The following CLDN16 variants were observed in gnomAD, a reference collection of about 807,000 sequenced individuals.
CLDN16 encodes the protein claudin 16, also known as claudin-16.
A neutral mutation model predicts 24.6 loss-of-function variants in CLDN16; 13 were observed. The ratio of observed to expected loss-of-function variants is 0.53; its 90% CI spans 0.34 to 0.84. CLDN16 has a LOEUF of 0.84. Ranked by LOEUF, CLDN16 falls within the 40% of genes least tolerant of loss-of-function variation. The probability of loss-of-function intolerance (pLI) is 0.01; values close to 1 mark genes in which losing one functional copy is unlikely to be tolerated. For missense variants in CLDN16, 298 were observed against 292.7 expected, an observed-to-expected ratio of 1.02 and a Z score of -0.13; for synonymous variants, 116 against 106.7, an observed-to-expected ratio of 1.09 and a Z score of -0.54.
At chr3:190,391,211 T>G (rs1718651720) in intron 1 of CLDN16, among the ~76,000 whole-genome samples, 1 of 151,284 alleles carries the variant, frequency 6.6e-6, no homozygotes, top group African/African-American at 2.4e-5. Context: ...TTTTCCAGTT[T>G]TTTTTTTTTT....
chr3:190,409,333 T>TGTATATATGCACACATGTATATGTAC (rs1719209339), intron 4 of CLDN16, among the ~76,000 whole-genome samples: 2 of 152,002 alleles, frequency 1.3e-5, no homozygotes, highest in Non-Finnish European at 2.9e-5. Flanking sequence ...TGTATATGTA[T>TGTATATATGCACACATGTATATGTAC]ATTAGAATTA....
intron 3 of CLDN16, among the ~76,000 whole-genome samples, chr3:190,382,209 A>G (rs1215254122): frequency 6.6e-6 from 1 of 152,100 alleles, no homozygotes; most frequent in African/African-American, 2.4e-5. Flanking sequence ...AACCTTTCAC[A>G]TTAGGTTTAT....
chr3:190,332,256 T>C (rs1024334292), intron 1 of CLDN16, among the ~76,000 whole-genome samples: 2 of 152,228 alleles, frequency 1.3e-5, no homozygotes, highest in African/African-American at 4.8e-5. Context: ...AGAGGCTATG[T>C]AAATATATTG....
At chr3:190,353,102 T>G (rs760369840) in intron 1 of CLDN16, among the ~76,000 whole-genome samples, 1 of 152,090 alleles carries the variant, frequency 6.6e-6, no homozygotes, top group Non-Finnish European at 1.5e-5. Context: ...ACATAGTACC[T>G]ACTCCAAAGA....
intron 1 of CLDN16, among the ~76,000 whole-genome samples, chr3:190,327,370 A>G (rs67980879): frequency 0.15 from 23,181 of 152,232 alleles, 2,195 homozygotes; most frequent in Middle Eastern, 0.21. Flanking sequence ...TATTAACCTA[A>G]CATGTGGACA....
At chr3:190,320,071 T>TG (rs199732640), upstream of CLDN16, among the ~76,000 whole-genome samples, 832 of 147,184 alleles carry the variant, frequency 5.7e-3, 7 homozygotes, top group African/African-American at 0.02. Context: ...CTAAAGTGTG[T>TG]GTGGGGGGGT....
At chr3:190,389,262 A>G (rs1356959373) in intron 1 of CLDN16, among the ~76,000 whole-genome samples, 1 of 152,206 alleles carries the variant, frequency 6.6e-6, no homozygotes, top group East Asian at 1.9e-4. Flanking sequence ...AGGCTTAGGA[A>G]AACACAGGTA....
At chr3:190,320,531 A>G (rs1716891396), upstream of CLDN16, among the ~76,000 whole-genome samples, 1 of 152,234 alleles carries the variant, frequency 6.6e-6, no homozygotes, top group African/African-American at 2.4e-5. Flanking sequence ...AGAAGTCCTG[A>G]TATGAGAACC....
chr3:190,391,228 T>C (rs535864422), intron 1 of CLDN16, among the ~76,000 whole-genome samples: 3 of 145,228 alleles, frequency 2.1e-5, no homozygotes, highest in Non-Finnish European at 4.6e-5. Flanking sequence ...TTTTTTTTAG[T>C]ATATTTGGAT....
At position 190,348,367 on chromosome 3, in the gene CLDN16, T is replaced by TGTG. The variant is rs1560084624; in HGVS notation, n.122-22525_122-22523dup. Among the ~76,000 whole-genome samples, 16 of 133,388 alleles carry TGTG rather than the reference T, an allele frequency of 1.2e-4. No homozygotes were observed. The East Asian group carries it at 3.0e-3, about 25-fold the overall frequency. The allele number at this position is 133,388 out of a possible 152,430, so 87.5% of individuals were successfully genotyped here. The stretch of plus-strand genomic sequence containing the variant: ...TGTGTGTGTGTGTGTGTGTGTGTGG[T>TGTG]GTGTGTCTTTGGAAGATTATGTTTC... On this transcript the variant is annotated intron_variant and non_coding_transcript_variant, in intron 1 of 4. Transcript: ENST00000468220.
chr3:190,300,664 C>T, the CLDN16 span, among the ~76,000 whole-genome samples: 3 of 152,226 alleles, frequency 2.0e-5, no homozygotes, highest in Admixed American at 2.0e-4. Flanking sequence ...CCTCCGATCC[C>T]TGGCAAAGAC....
intron 1 of CLDN16, among the ~76,000 whole-genome samples, chr3:190,341,699 C>T (rs148468688): frequency 2.0e-5 from 3 of 152,288 alleles, no homozygotes; most frequent in African/African-American, 4.8e-5. Context: ...TGGATTTCTC[C>T]CCGCAGAATG....
rs764353770 is a variant in CLDN16 at position 190,402,344 on chromosome 3, C to G, written c.122C>G (p.Thr41Arg). The change falls in exon 2 of 5, where the codon ACA (threonine) becomes AGA (arginine). Residue 41 changes from threonine to arginine, a missense_variant. Thr to Arg is a moderately conservative substitution (Grantham distance 71, BLOSUM62 -1). Coordinates refer to ENST00000264734, the MANE Select transcript of CLDN16 (RefSeq NM_006580.4). ...VNADDSLEVS[T>R]KCRGLWWECV... The stretch of plus-strand genomic sequence containing the variant: ...GTCTTCTCTAACATCTAGGTGAGCA[C>G]AAAATGCCGAGGCCTCTGGTGGGAA... The G allele has an allele frequency of 6.2e-7, 1 of 1,613,704 alleles. No homozygotes were observed. Among genetic ancestry groups the G allele is most frequent in the Non-Finnish European group, 8.5e-7 (1 of 1,179,696 alleles).
chr3:190,408,449 C>T lies in CLDN16; in HGVS notation c.518C>T (p.Ser173Phe), dbSNP rs1345543207. ...GWSCWLGMAG[S>F]LGCFLAGAVL... ...TCCTGTTGGCTCGGAATGGCTGGGT[C>T]TCTGGGTTGCTTTTTGGCTGGAGCT... The change falls in exon 4 of 5, where the codon TCT becomes TTT. Residue 173 changes from serine (S) to phenylalanine (F), a missense_variant. By Grantham distance (155) the Ser-to-Phe change is radical. Transcript: ENST00000264734. 1 of 1,613,982 alleles carries T rather than the reference C, an allele frequency of 6.2e-7. No homozygotes were observed. The highest frequency in any genetic ancestry group is 8.5e-7 in the Non-Finnish European group (1 of 1,180,016).
upstream of CLDN16, chr3:190,322,198 G>C: frequency 6.2e-7 from 1 of 1,613,728 alleles, no homozygotes; most frequent in Non-Finnish European, 8.5e-7. Context: ...GCAGCCCCGC[G>C]TTGGCCATGA....
chr3:190,295,214 A>T, the CLDN16 span, among the ~76,000 whole-genome samples: 2 of 152,170 alleles, frequency 1.3e-5, no homozygotes, highest in Non-Finnish European at 2.9e-5. Flanking sequence ...GTTGTCAGGT[A>T]CACAATGATA....
At chr3:190,314,673 G>A in the CLDN16 span, among the ~76,000 whole-genome samples, 1 of 151,986 alleles carries the variant, frequency 6.6e-6, no homozygotes, top group Admixed American at 6.6e-5. Context: ...CAAAGTTCTG[G>A]GATTACAGAC....
intron 1 of CLDN16, among the ~76,000 whole-genome samples, chr3:190,356,580 T>C (rs1331615179): frequency 1.3e-5 from 2 of 151,886 alleles, no homozygotes; most frequent in Non-Finnish European, 2.9e-5. Flanking sequence ...AAACCCAATG[T>C]TATTCATACT....
At chr3:190,303,953 A>C in the CLDN16 span, among the ~76,000 whole-genome samples, 1 of 152,184 alleles carries the variant, frequency 6.6e-6, no homozygotes, top group African/African-American at 2.4e-5. Flanking sequence ...GAAAGGGTGA[A>C]CTGACAGCAA....
Sources: gnomAD v4.1 joint callset for allele counts (sites outside exome capture counted in the v4.1 genomes callset) on GRCh38, gnomAD v4.1.1 for gene constraint, MANE v1.5 for transcripts, NCBI Gene and HGNC (gene_info 2026-07-23, HGNC 2026-07-21) for gene names.